Variants in EPB41L2 observed in about 807,000 individuals in gnomAD.
The protein encoded by EPB41L2 is erythrocyte membrane protein band 4.1 like 2, also known as band 4.1-like protein 2.
A neutral mutation model predicts 113.0 loss-of-function variants in EPB41L2; 43 were observed. That is an observed-to-expected ratio of 0.38 (90% CI 0.30 to 0.49). EPB41L2 has a LOEUF of 0.49. Ranked by LOEUF, EPB41L2 falls within the 20% of genes least tolerant of loss-of-function variation. The pLI, the probability that EPB41L2 is intolerant of heterozygous loss-of-function variation, is 0.95. For missense variants in EPB41L2, 1,147 were observed against 1,223.4 expected (o/e 0.94, Z 0.93); for synonymous variants, 442 against 436.7 (o/e 1.01, Z -0.15).
chr6:130,865,730 T>A, intron 16 of EPB41L2, 96 bp from the exon 17 acceptor site: 2 of 1,282,194 alleles, frequency 1.6e-6, no homozygotes, highest in East Asian at 4.8e-5. Context: ...TCTTTTAAAA[T>A]CCATGTGGTT....
intron 17 of EPB41L2, among the ~76,000 whole-genome samples, chr6:130,864,112 G>A (rs77468749): frequency 6.6e-6 from 1 of 152,254 alleles, no homozygotes; most frequent in Non-Finnish European, 1.5e-5. Flanking sequence ...TTTTAAAAAG[G>A]AGAGTAGGGA....
chr6:130,951,312 CTTTTTTTTT>C (rs34082234), intron 3 of EPB41L2, among the ~76,000 whole-genome samples: 2 of 50,846 alleles, frequency 3.9e-5, no homozygotes, highest in African/African-American at 1.3e-4. Context: ...AGCCTCAGTA[CTTTTTTTTT>C]TTTTTTTTTT....
At chr6:131,028,934 T>C (rs747870748) in intron 1 of EPB41L2, among the ~76,000 whole-genome samples, 1 of 152,198 alleles carries the variant, frequency 6.6e-6, no homozygotes, top group Non-Finnish European at 1.5e-5. Flanking sequence ...AAAACCCTTG[T>C]TGCATTTTTG....
chr6:130,997,311 T>C (rs1318708527), intron 1 of EPB41L2, among the ~76,000 whole-genome samples: 4 of 152,158 alleles, frequency 2.6e-5, no homozygotes, highest in South Asian at 2.1e-4. Flanking sequence ...ATTAAGATCA[T>C]GTAAATTAAG....
intron 1 of EPB41L2, among the ~76,000 whole-genome samples, chr6:131,031,769 C>A (rs963955096): frequency 6.6e-6 from 1 of 152,146 alleles, no homozygotes; most frequent in Non-Finnish European, 1.5e-5. Flanking sequence ...TCTATCTCAA[C>A]CTTTCTCCAA....
At chr6:130,895,276 C>T (rs1168313639) in intron 8 of EPB41L2, among the ~76,000 whole-genome samples, 157 bp from the exon 9 acceptor site, 1 of 152,046 alleles carries the variant, frequency 6.6e-6, no homozygotes, top group Non-Finnish European at 1.5e-5. Context: ...AAAACTATGG[C>T]GCACACACAT....
intron 3 of EPB41L2, among the ~76,000 whole-genome samples, chr6:130,937,098 G>A (rs887994755): frequency 6.6e-6 from 1 of 151,964 alleles, no homozygotes; most frequent in Non-Finnish European, 1.5e-5. Context: ...CCACACAGTG[G>A]GTACATTTGT....
At chr6:130,998,170 C>T (rs146446375) in intron 1 of EPB41L2, among the ~76,000 whole-genome samples, 3 of 152,292 alleles carry the variant, frequency 2.0e-5, no homozygotes, top group East Asian at 3.9e-4. Context: ...CATAGCTCAG[C>T]ATCAGACAGA....
At chr6:130,970,006 T>C (rs900072931) in intron 1 of EPB41L2, among the ~76,000 whole-genome samples, 4 of 152,120 alleles carry the variant, frequency 2.6e-5, no homozygotes, top group African/African-American at 9.7e-5. Flanking sequence ...CCTAGAAAAA[T>C]GCAAACAAGT....
At chr6:130,933,438 C>T (rs1372902501) in intron 3 of EPB41L2, among the ~76,000 whole-genome samples, 1 of 152,132 alleles carries the variant, frequency 6.6e-6, no homozygotes, top group Non-Finnish European at 1.5e-5. Flanking sequence ...TCTGCCTCTC[C>T]CTAACCCTAC....
chr6:130,954,454 C>A (rs1159294441), intron 3 of EPB41L2, among the ~76,000 whole-genome samples: 2 of 152,068 alleles, frequency 1.3e-5, no homozygotes, highest in Non-Finnish European at 2.9e-5. Flanking sequence ...TTTATTGATT[C>A]TTAATCAATA....
intron 3 of EPB41L2, among the ~76,000 whole-genome samples, chr6:130,943,368 T>C (rs751810430): frequency 3.3e-5 from 5 of 152,246 alleles, no homozygotes; most frequent in Non-Finnish European, 5.9e-5. Flanking sequence ...ATTCTGAAAA[T>C]AACTTTTCCC....
At chr6:130,882,763 C>T (rs1235881092) in intron 12 of EPB41L2, 3 of 152,830 alleles carry the variant, frequency 2.0e-5, no homozygotes, top group Non-Finnish European at 2.9e-5. Context: ...AGACCCAGAC[C>T]TTGGGGAGGC....
chr6:131,018,723 T>C (rs1327084966), intron 1 of EPB41L2, among the ~76,000 whole-genome samples: 1 of 152,230 alleles, frequency 6.6e-6, no homozygotes, highest in Non-Finnish European at 1.5e-5. Flanking sequence ...GTATATGGTA[T>C]GAAGTAGGGA....
Position 130,933,423 on chromosome 6 carries a change from G to A in EPB41L2, c.706-6714C>T, listed in dbSNP as rs149130726. Among the ~76,000 whole-genome samples the A allele has an allele frequency of 8.2e-3, 1,253 of 151,980 alleles. 14 individuals carry two copies. The highest frequency in any genetic ancestry group is 0.028 in the African/African-American group (1,171 of 41,438). ...CAACAAGCTTAGCTATCTATTTTTC[G>A]TCTGTCTGCCTCTCCCTAACCCTAC... On this transcript the variant is annotated intron_variant, in intron 3 of 19. Coordinates refer to ENST00000337057, the MANE Select transcript of EPB41L2 (RefSeq NM_001431.4).
chr6:131,053,558 G>A (rs1797046605), intron 1 of EPB41L2, among the ~76,000 whole-genome samples: 1 of 152,016 alleles, frequency 6.6e-6, no homozygotes, highest in Admixed American at 6.6e-5. Flanking sequence ...TATTTATTGG[G>A]TAACAAGAAC....
intron 12 of EPB41L2, chr6:130,880,739 T>C (rs1789054648): frequency 1.0e-5 from 4 of 395,198 alleles, no homozygotes; most frequent in Non-Finnish European, 1.8e-5. Context: ...TCTCAGTCCC[T>C]AGATTATGCT....
intron 3 of EPB41L2, among the ~76,000 whole-genome samples, chr6:130,954,633 C>T (rs1163498928): frequency 6.6e-6 from 1 of 152,132 alleles, no homozygotes; most frequent in Non-Finnish European, 1.5e-5. Context: ...ATTAAAGTGA[C>T]TTCTGTCAGC....
At chr6:131,022,393 A>T (rs890140439) in intron 1 of EPB41L2, among the ~76,000 whole-genome samples, 1 of 152,152 alleles carries the variant, frequency 6.6e-6, no homozygotes, top group African/African-American at 2.4e-5. Flanking sequence ...AGTTATCTAT[A>T]GGAGCTATCT....
Sources: allele counts gnomAD v4.1 joint callset (sites outside exome capture counted in the v4.1 genomes callset), GRCh38; gene constraint gnomAD v4.1.1; transcripts MANE v1.5; gene names NCBI Gene and HGNC (gene_info 2026-07-23, HGNC 2026-07-21).